PREX2: variants seen among roughly 807,000 people sequenced by gnomAD.
PREX2 encodes the protein phosphatidylinositol-3,4,5-trisphosphate dependent Rac exchange factor 2, also known as phosphatidylinositol 3,4,5-trisphosphate-dependent Rac exchanger 2 protein.
A neutral mutation model predicts 203.2 loss-of-function variants in PREX2; 107 were observed. The ratio of observed to expected loss-of-function variants is 0.53; its 90% CI spans 0.45 to 0.62. The LOEUF is 0.62. PREX2 is among the 20% of genes least tolerant of loss of function. The pLI is 0.00. For missense variants in PREX2, 1,777 were observed against 1,955.9 expected (o/e 0.91, Z 1.72); for synonymous variants, 672 against 663.6 (o/e 1.01, Z -0.19).
chr8:68,047,528 T>C (rs1348907149), intron 8 of PREX2, among the ~76,000 whole-genome samples: 2 of 145,306 alleles, frequency 1.4e-5, no homozygotes, highest in African/African-American at 5.1e-5. Flanking sequence ...TATATATATG[T>C]ATTTTTTTAA....
chr8:67,992,153 C>G (rs555817441), intron 1 of PREX2, among the ~76,000 whole-genome samples: 1 of 152,252 alleles, frequency 6.6e-6, no homozygotes, highest in South Asian at 2.1e-4. Context: ...GTATATACCG[C>G]TCTTCTGTGA....
chr8:68,079,794 T>C (rs1175815408), intron 15 of PREX2, among the ~76,000 whole-genome samples: 1 of 152,144 alleles, frequency 6.6e-6, no homozygotes, highest in East Asian at 1.9e-4. Context: ...TCTTAGGGGA[T>C]TTGGGGGGAA....
Position 68,080,523 on chromosome 8 carries a change from A to G in PREX2, c.1723A>G (p.Lys575Glu). The G allele has an allele frequency of 6.2e-7, 1 of 1,611,806 alleles. No homozygotes were observed. Among genetic ancestry groups the G allele is most frequent in the Non-Finnish European group, 8.5e-7 (1 of 1,178,236 alleles). Residue 575 changes from lysine to glutamate, a missense_variant, in exon 16 of 40, where the codon AAA becomes GAA. By Grantham distance (56) the Lys-to-Glu change is moderately conservative. Coordinates refer to ENST00000288368, the MANE Select transcript of PREX2 (RefSeq NM_024870.4). ...SDEEMEGSNM[K>E]HRLMKHDLKV... The stretch of plus-strand genomic sequence containing the variant: ...TGAGGAAATGGAGGGATCAAATATG[A>G]AACATCGACTTATGAAACATGACTT...
At chr8:68,121,285 C>T (rs1375425326) in intron 30 of PREX2, among the ~76,000 whole-genome samples, 1 of 151,738 alleles carries the variant, frequency 6.6e-6, no homozygotes, top group South Asian at 2.1e-4. Flanking sequence ...AAAATAAGGG[C>T]TCAAAGTTAT....
chr8:68,088,803 A>G (rs1287070800), intron 19 of PREX2, among the ~76,000 whole-genome samples: 1 of 152,228 alleles, frequency 6.6e-6, no homozygotes, highest in Non-Finnish European at 1.5e-5. Flanking sequence ...TCATGAAGAC[A>G]AAAAGGAATA....
At chr8:67,963,887 A>G (rs1425393082) in intron 1 of PREX2, among the ~76,000 whole-genome samples, 1 of 152,160 alleles carries the variant, frequency 6.6e-6, no homozygotes, top group African/African-American at 2.4e-5. Flanking sequence ...TTTTAAATTA[A>G]ATATACCCCA....
intron 35 of PREX2, among the ~76,000 whole-genome samples, chr8:68,175,822 A>T (rs1018537855): frequency 2.6e-5 from 4 of 152,058 alleles, no homozygotes; most frequent in Non-Finnish European, 5.9e-5. Context: ...ACATAATATT[A>T]TATATGGTAA....
chr8:67,984,277 C>T (rs988031729), intron 1 of PREX2, among the ~76,000 whole-genome samples: 1 of 152,136 alleles, frequency 6.6e-6, no homozygotes, highest in Admixed American at 6.5e-5. Flanking sequence ...GGATCATGAA[C>T]TCATTAAGAA....
rs1448893819 is a variant in PREX2 at position 68,231,747 on chromosome 8, A to C, written c.*369A>C. 1 of 192,074 alleles carries C rather than the reference A, an allele frequency of 5.2e-6. No individual in the cohort carries two copies. Among genetic ancestry groups the C allele is most frequent in the Non-Finnish European group, 1.1e-5 (1 of 93,084 alleles). 11.9% of individuals were successfully genotyped at this position (192,074 alleles called of 1,614,324 possible). A position where few individuals can be genotyped will look rare whatever the true frequency, so the allele number is the denominator to read the frequency against. ...AAATGGTTTTATTATGCTTGTTTTCATCTTTCCCAAGTGGACACATGTAAT... is the reference window on the plus strand; with the variant it reads ...AAATGGTTTTATTATGCTTGTTTTCCTCTTTCCCAAGTGGACACATGTAAT... On this transcript the variant is annotated 3_prime_UTR_variant, in exon 40 of 40. Coordinates refer to ENST00000288368, the MANE Select transcript of PREX2 (RefSeq NM_024870.4).
intron 21 of PREX2, among the ~76,000 whole-genome samples, chr8:68,096,726 A>G (rs942409694): frequency 1.3e-4 from 20 of 152,178 alleles, no homozygotes; most frequent in African/African-American, 4.8e-4. Context: ...AAATTTAGGT[A>G]TAGTATTTAT....
chr8:68,174,441 CA>C (rs1016678002), intron 35 of PREX2, among the ~76,000 whole-genome samples: 11 of 152,258 alleles, frequency 7.2e-5, no homozygotes, highest in Admixed American at 2.6e-4. Context: ...GAAATTCTGT[CA>C]GTCATTTAGG....
chr8:68,181,322 A>G (rs1008752976), intron 35 of PREX2, among the ~76,000 whole-genome samples: 1 of 152,138 alleles, frequency 6.6e-6, no homozygotes, highest in Non-Finnish European at 1.5e-5. Flanking sequence ...TGCTAGTGAC[A>G]TCTTTCTAAT....
chr8:68,070,616 T>A (rs1563528933), intron 13 of PREX2, among the ~76,000 whole-genome samples: 2 of 152,170 alleles, frequency 1.3e-5, no homozygotes, highest in Admixed American at 6.5e-5. Context: ...TTATTTGGAA[T>A]TTACTGACTA....
intron 35 of PREX2, among the ~76,000 whole-genome samples, chr8:68,190,330 A>C (rs1463001969): frequency 2.0e-5 from 3 of 152,178 alleles, no homozygotes; most frequent in African/African-American, 7.2e-5. Context: ...AATAGATACT[A>C]GATGGTGAAT....
Position 68,076,801 on chromosome 8 carries a change from G to C in PREX2, c.1570-596G>C, listed in dbSNP as rs529463150. ...TCTAAATGAAAACCAAAAGAAAAAG[G>C]TTGCTTTGGGCGCTTTTGTTGGATT... On this transcript the variant is annotated intron_variant, in intron 14 of 39. Transcript: ENST00000288368. 4.0e-5 allele frequency among the ~76,000 whole-genome samples: 6 copies of C among 151,024 alleles called. No individual in the cohort carries two copies. In the East Asian group the frequency reaches 9.8e-4, roughly 25 times the overall value.
At chr8:68,011,083 C>T (rs1031023709) in intron 1 of PREX2, among the ~76,000 whole-genome samples, 3 of 152,230 alleles carry the variant, frequency 2.0e-5, no homozygotes, top group South Asian at 2.1e-4. Flanking sequence ...TACATGCCTG[C>T]CAGAGCTATC....
chr8:68,000,724 C>G (rs1488936284), intron 1 of PREX2, among the ~76,000 whole-genome samples: 2 of 152,244 alleles, frequency 1.3e-5, no homozygotes, highest in South Asian at 2.1e-4. Flanking sequence ...GTAATCAAAA[C>G]AGTATGGTAC....
At chr8:68,100,338 A>G (rs1810223209) in intron 23 of PREX2, 2 of 374,460 alleles carry the variant, frequency 5.3e-6, no homozygotes, top group African/African-American at 2.1e-5. Flanking sequence ...GGAATATAGC[A>G]GGGAAGGAGA....
intron 35 of PREX2, among the ~76,000 whole-genome samples, chr8:68,180,073 C>A (rs985561737): frequency 4.6e-5 from 7 of 152,112 alleles, no homozygotes; most frequent in Admixed American, 4.6e-4. Flanking sequence ...CTATTCATAT[C>A]TGCTGAGTAA....
Sources: allele counts gnomAD v4.1 joint callset (sites outside exome capture counted in the v4.1 genomes callset), GRCh38; gene constraint gnomAD v4.1.1; transcripts MANE v1.5; gene names NCBI Gene and HGNC (gene_info 2026-07-23, HGNC 2026-07-21).